RGS6: variants seen among roughly 807,000 people sequenced by gnomAD.
The protein encoded by RGS6 is regulator of G-protein signaling 6.
A neutral mutation model predicts 78.5 loss-of-function variants in RGS6; 30 were observed. The observed-to-expected ratio is 0.38, with a 90% CI of 0.29 to 0.52. The LOEUF (loss-of-function observed/expected upper bound fraction) is 0.52. Ranked by LOEUF, RGS6 falls within the 20% of genes least tolerant of loss-of-function variation. The pLI, the probability that RGS6 is intolerant of heterozygous loss-of-function variation, is 0.85. For synonymous variants in RGS6, 206 were observed against 206.0 expected, an observed-to-expected ratio of 1.00 and a Z score of 0.00; for missense variants, 495 against 609.7, an observed-to-expected ratio of 0.81 and a Z score of 1.98.
chr14:72,047,132 C>G lies in RGS6; in HGVS notation c.84+82257C>G, dbSNP rs572234787. Among the ~76,000 whole-genome samples, 183 of 152,264 alleles carry G rather than the reference C, an allele frequency of 1.2e-3. 4 individuals carry two copies. The Middle Eastern group carries it at 0.051, about 42-fold the overall frequency. ...TGTTCTTGTGACACGACATAATGCA[C>G]ACTGAGCACGGTGACAGCTCCAGAC... On this transcript the variant is annotated intron_variant, in intron 2 of 17. Transcript: ENST00000553525.
At chr14:71,952,354 C>A (rs1294069731) in intron 1 of RGS6, among the ~76,000 whole-genome samples, 1 of 152,014 alleles carries the variant, frequency 6.6e-6, no homozygotes, top group Non-Finnish European at 1.5e-5. Context: ...TGATTAAATG[C>A]CTTAAAGCCA....
intron 2 of RGS6, among the ~76,000 whole-genome samples, chr14:72,119,446 A>G (rs144163409): frequency 4.6e-5 from 7 of 152,342 alleles, no homozygotes; most frequent in African/African-American, 1.7e-4. Context: ...ATTTACAAAA[A>G]TGACCATGCA....
At chr14:72,156,096 G>A (rs1230776486) in intron 2 of RGS6, among the ~76,000 whole-genome samples, 3 of 152,220 alleles carry the variant, frequency 2.0e-5, no homozygotes, top group Non-Finnish European at 2.9e-5. Context: ...CAATGAGCAG[G>A]TGGGTGGCCT....
chr14:72,094,421 C>T (rs951111513), intron 2 of RGS6, among the ~76,000 whole-genome samples: 1 of 152,000 alleles, frequency 6.6e-6, no homozygotes, highest in Non-Finnish European at 1.5e-5. Flanking sequence ...GGTTGGTGAC[C>T]CCCACTTTTC....
In RGS6 at chr14:72,328,931, G is replaced by A. The variant is rs535342811; in HGVS notation, c.85-23164G>A. ...TTGTTGCCCAGGCTAGAGTGCAATGGCACGATCTTGGCTCACTGCAACCTC... is the reference window on the plus strand; with the variant it reads ...TTGTTGCCCAGGCTAGAGTGCAATGACACGATCTTGGCTCACTGCAACCTC... On this transcript the variant is annotated intron_variant, in intron 2 of 17. Transcript: ENST00000553525. Among the ~76,000 whole-genome samples the A allele has an allele frequency of 3.3e-5, 5 of 152,314 alleles. No homozygotes were observed. The South Asian group carries it at 1.0e-3, about 32-fold the overall frequency.
intron 2 of RGS6, among the ~76,000 whole-genome samples, chr14:72,112,269 C>T (rs780496709): frequency 1.3e-5 from 2 of 152,162 alleles, no homozygotes; most frequent in African/African-American, 2.4e-5. Context: ...ATACCACTTA[C>T]GTTTGCATTT....
rs1054931543 is a variant in RGS6 at position 72,453,484 on chromosome 14, C to T, written c.185-1044C>T. ...CAAAAAAATTAGCCGGGCGTAGTGG[C>T]AGGCGCCTGTAGTCCCAGCTACTTG... is the stretch of plus-strand genomic sequence containing the variant. On this transcript the variant is annotated intron_variant, in intron 3 of 17. Coordinates refer to ENST00000553525, the MANE Select transcript of RGS6 (RefSeq NM_001204424.2). Among the ~76,000 whole-genome samples, 52 of 148,534 alleles carry T rather than the reference C, an allele frequency of 3.5e-4. 1 individual carries two copies. The highest frequency in any genetic ancestry group is 1.3e-3 in the African/African-American group (50 of 39,824).
rs111781465 is a variant in RGS6, at chr14:72,547,112, G to A, written c.1422+7018G>A. Reference sequence around the variant, plus strand: ...CAGGGCCCCCCGCAGGATAAACAGCGGGAAGGCCGACCACTCAGAAGACAG... The same window carrying A: ...CAGGGCCCCCCGCAGGATAAACAGCAGGAAGGCCGACCACTCAGAAGACAG... On this transcript the variant is annotated intron_variant, in intron 17 of 17. Coordinates refer to ENST00000553525, the MANE Select transcript of RGS6 (RefSeq NM_001204424.2). 2.4e-5 allele frequency: 36 copies of A among 1,493,384 alleles called. No homozygotes were observed. In the Admixed American group the frequency reaches 3.9e-4, roughly 16 times the overall value. 92.5% of individuals were successfully genotyped at this position (1,493,384 alleles called of 1,614,324 possible).
At chr14:72,034,890 A>C (rs1373881818) in intron 2 of RGS6, among the ~76,000 whole-genome samples, 1 of 152,130 alleles carries the variant, frequency 6.6e-6, no homozygotes, top group South Asian at 2.1e-4. Context: ...CTGCAGTTTC[A>C]GGTACTGGCA....
chr14:72,119,802 C>A (rs2096002706), intron 2 of RGS6, among the ~76,000 whole-genome samples: 1 of 152,162 alleles, frequency 6.6e-6, no homozygotes, highest in African/African-American at 2.4e-5. Flanking sequence ...AATGGAAATG[C>A]ACAAATATCC....
chr14:71,914,098 G>T, the RGS6 span, among the ~76,000 whole-genome samples: 40 of 152,278 alleles, frequency 2.6e-4, no homozygotes, highest in Non-Finnish European at 4.9e-4. Flanking sequence ...TACATGTGCC[G>T]TGCGCCCTGG....
chr14:72,168,470 C>T lies in RGS6; in HGVS notation c.85-183625C>T, dbSNP rs187682133. On this transcript the variant is annotated intron_variant, in intron 2 of 17. Transcript: ENST00000553525. The stretch of plus-strand genomic sequence containing the variant: ...CGCACATTGGCTCCAGAGCACTGGT[C>T]GAGATGTTCCTTAAATGTAAAGTAC... Among the ~76,000 whole-genome samples, 6 of 152,122 alleles carry T rather than the reference C, an allele frequency of 3.9e-5. No individual in the cohort carries two copies. The East Asian group carries it at 7.7e-4, about 20-fold the overall frequency.
chr14:72,402,483 G>A (rs891287410), intron 3 of RGS6, among the ~76,000 whole-genome samples: 4 of 152,052 alleles, frequency 2.6e-5, no homozygotes, highest in East Asian at 1.9e-4. Flanking sequence ...CATACAAATG[G>A]CCAAGAGGTA....
At chr14:72,214,521 G>A (rs536801425) in intron 2 of RGS6, among the ~76,000 whole-genome samples, 22 of 152,188 alleles carry the variant, frequency 1.4e-4, no homozygotes, top group Non-Finnish European at 2.9e-4. Context: ...CTACAATGCA[G>A]GCGTCTGACC....
intron 2 of RGS6, among the ~76,000 whole-genome samples, chr14:72,095,097 G>C (rs1412435725): frequency 1.3e-5 from 2 of 152,030 alleles, no homozygotes; most frequent in Admixed American, 6.6e-5. Context: ...TAAATGAGTG[G>C]TTGAAAATGT....
the RGS6 span, among the ~76,000 whole-genome samples, chr14:71,895,169 T>C: frequency 2.0e-5 from 3 of 152,170 alleles, no homozygotes; most frequent in Non-Finnish European, 4.4e-5. Context: ...AGTTAGATAA[T>C]CACTATTAGA....
intron 2 of RGS6, among the ~76,000 whole-genome samples, chr14:72,077,438 GTCA>G (rs918442452): frequency 1.3e-5 from 2 of 151,622 alleles, no homozygotes; most frequent in Non-Finnish European, 2.9e-5. Flanking sequence ...TAAATTTTAT[GTCA>G]TCATATCTTT....
intron 2 of RGS6, among the ~76,000 whole-genome samples, chr14:72,001,298 TTGA>T (rs1272372155): frequency 1.3e-5 from 2 of 152,164 alleles, no homozygotes; most frequent in Non-Finnish European, 2.9e-5. Context: ...AATCAGTGTG[TTGA>T]TGATTTTTCC....
intron 2 of RGS6, among the ~76,000 whole-genome samples, chr14:72,075,127 T>C (rs2094532148): frequency 6.6e-6 from 1 of 152,214 alleles, no homozygotes; most frequent in Non-Finnish European, 1.5e-5. Context: ...TTGAAGGGCA[T>C]GCACAGATAT....
Sources: allele counts gnomAD v4.1 joint callset (sites outside exome capture counted in the v4.1 genomes callset), GRCh38; gene constraint gnomAD v4.1.1; transcripts MANE v1.5; gene names NCBI Gene and HGNC (gene_info 2026-07-23, HGNC 2026-07-21).